TUB: variants seen among roughly 807,000 people sequenced by gnomAD.
The protein encoded by TUB is TUB bipartite transcription factor, also known as tubby protein homolog.
A neutral mutation model predicts 59.7 loss-of-function variants in TUB; 33 were observed. The ratio of observed to expected loss-of-function variants is 0.55; its 90% confidence interval spans 0.42 to 0.74. The LOEUF is 0.74. Ranked by LOEUF, TUB falls within the 30% of genes least tolerant of loss-of-function variation. The pLI, the probability that TUB is intolerant of heterozygous loss-of-function variation, is 0.00. For synonymous variants in TUB, 293 were observed against 256.4 expected (o/e 1.14, Z -1.36); for missense variants, 659 against 672.0 (o/e 0.98, Z 0.21).
chr11:8,043,503 C>A (rs1942784756), intron 2 of TUB, among the ~76,000 whole-genome samples: 1 of 152,170 alleles, frequency 6.6e-6, no homozygotes, highest in South Asian at 2.1e-4. Context: ...ATCTGTAGAT[C>A]AGTTTGGAGA....
chr11:8,038,272 T>C (rs1942680621), upstream of TUB, among the ~76,000 whole-genome samples: 1 of 152,094 alleles, frequency 6.6e-6, no homozygotes, highest in African/African-American at 2.4e-5. Context: ...ATGTTCTCAA[T>C]GTAAGAGTTG....
chr11:8,051,917 C>A (rs1190186906), intron 2 of TUB, among the ~76,000 whole-genome samples: 1 of 152,180 alleles, frequency 6.6e-6, no homozygotes, highest in Non-Finnish European at 1.5e-5. Flanking sequence ...GATCTCTAAG[C>A]CACTTACTAA....
rs1944559711 is a variant in TUB at position 8,105,785 on chromosome 11, C to G, written c.*4166C>G. 6.6e-6 allele frequency: 1 copy of G among 152,268 alleles called. No homozygotes were observed. The highest frequency in any genetic ancestry group is 2.1e-4 in the South Asian group (1 of 4,822). The allele number at this position is 152,268 out of a possible 1,614,324, so 9.4% of individuals were successfully genotyped here. A position where few individuals can be genotyped will look rare whatever the true frequency, so the allele number is the denominator to read the frequency against. On this transcript the variant is annotated 3_prime_UTR_variant, in exon 12 of 12. Transcript: ENST00000299506. ...CATCACATCCCTCTCCTCTCCTCCTCTGTGCTCCTGTCCCTCCCTCCCCCT... is the reference window on the plus strand; with the variant it reads ...CATCACATCCCTCTCCTCTCCTCCTGTGTGCTCCTGTCCCTCCCTCCCCCT...
chr11:8,084,049 G>A (rs1000206986), intron 1 of TUB, among the ~76,000 whole-genome samples: 1 of 152,198 alleles, frequency 6.6e-6, no homozygotes, highest in Non-Finnish European at 1.5e-5. Flanking sequence ...GGGAGTGGGG[G>A]CAGGGGGTGG....
chr11:8,024,081 A>G (rs951485988), intron 1 of TUB, among the ~76,000 whole-genome samples: 1 of 151,826 alleles, frequency 6.6e-6, no homozygotes, highest in East Asian at 1.9e-4. Flanking sequence ...CTTATACATT[A>G]CTCCTGCCAT....
At chr11:8,040,103 C>G (rs1942722604) in intron 2 of TUB, among the ~76,000 whole-genome samples, 1 of 152,186 alleles carries the variant, frequency 6.6e-6, no homozygotes, top group Non-Finnish European at 1.5e-5. Context: ...AGCCTCCAGC[C>G]CCCCTGCCCT....
intron 2 of TUB, among the ~76,000 whole-genome samples, chr11:8,055,216 T>G (rs1943000172): frequency 6.6e-6 from 1 of 151,922 alleles, no homozygotes; most frequent in African/African-American, 2.4e-5. Context: ...GAGTGGCCTG[T>G]GTGTGTGCGT....
intron 2 of TUB, among the ~76,000 whole-genome samples, chr11:8,045,896 G>C (rs146123105): frequency 1.3e-5 from 2 of 151,886 alleles, no homozygotes; most frequent in African/African-American, 4.8e-5. Flanking sequence ...CTTTCTGCTC[G>C]GACTGGTGGG....
intron 2 of TUB, among the ~76,000 whole-genome samples, chr11:8,044,695 G>A (rs1031783573): frequency 1.3e-4 from 20 of 152,140 alleles, no homozygotes; most frequent in African/African-American, 3.6e-4. Flanking sequence ...GCTCAGTCCC[G>A]CAAGACTTCC....
chr11:8,074,418 G>C (rs4758283), intron 2 of TUB, among the ~76,000 whole-genome samples: 101,414 of 151,968 alleles, frequency 0.67, 34,040 homozygotes, highest in African/African-American at 0.7. Context: ...TATTCCATCT[G>C]ATAAATCCAT....
At chr11:8,019,626 C>A (rs978948797) in intron 1 of TUB, among the ~76,000 whole-genome samples, 1 of 152,224 alleles carries the variant, frequency 6.6e-6, no homozygotes, top group Admixed American at 6.5e-5. Flanking sequence ...CCTCTGCCCC[C>A]ACCCCAGCTG....
At position 8,097,951 on chromosome 11, in the gene TUB, C is replaced by T. The variant is rs538645097; in HGVS notation, c.998+125C>T. The T allele has an allele frequency of 6.6e-5, 47 of 715,978 alleles. No homozygotes were observed. In the East Asian group the frequency reaches 1.2e-3, roughly 18 times the overall value. 44.4% of individuals were successfully genotyped at this position (715,978 alleles called of 1,614,324 possible). ...GGGATGGATACTCTCCCAGGATCCT[C>T]TCTGATAATCACATCCAACTGGAGG... On this transcript the variant is annotated intron_variant, in intron 8 of 11. Coordinates refer to ENST00000299506, the MANE Select transcript of TUB (RefSeq NM_177972.3).
chr11:8,060,767 G>A (rs1404327864), intron 2 of TUB, among the ~76,000 whole-genome samples: 2 of 152,206 alleles, frequency 1.3e-5, no homozygotes, highest in Non-Finnish European at 2.9e-5. Flanking sequence ...TGGGCCAGAG[G>A]ATCCCTTATA....
At chr11:8,054,010 G>A (rs746801695) in intron 2 of TUB, among the ~76,000 whole-genome samples, 1 of 151,794 alleles carries the variant, frequency 6.6e-6, no homozygotes, top group Admixed American at 6.6e-5. Flanking sequence ...AGCTACTCGG[G>A]AGGCTGAGGC....
At chr11:8,034,516 C>T (rs1299005429), upstream of TUB, among the ~76,000 whole-genome samples, 1 of 152,198 alleles carries the variant, frequency 6.6e-6, no homozygotes, top group African/African-American at 2.4e-5. Context: ...TGCGATTTCC[C>T]TGCCTAAAAC....
intron 1 of TUB, among the ~76,000 whole-genome samples, chr11:8,033,289 A>C (rs994423604): frequency 8.5e-5 from 13 of 152,066 alleles, no homozygotes; most frequent in South Asian, 2.1e-4. Flanking sequence ...GGACTCCGGG[A>C]GACTCCGGGA....
At chr11:8,096,869 CTGCATGTGAAGAGATGG>C in intron 6 of TUB, 63 bp downstream of exon 6, 1 of 1,579,586 alleles carries the variant, frequency 6.3e-7, no homozygotes, top group East Asian at 2.2e-5. Flanking sequence ...TAGAGGTGGA[CTGCATGTGAAGAGATGG>C]ACTCGTATGC....
chr11:8,090,307 C>A, intron 3 of TUB, 76 bp downstream of exon 3: 2 of 1,547,056 alleles, frequency 1.3e-6, no homozygotes, highest in Non-Finnish European at 1.8e-6. Flanking sequence ...TAGGCAGGTG[C>A]GGACTGGTCC....
chr11:8,030,329 C>T (rs939574757), intron 1 of TUB, among the ~76,000 whole-genome samples: 2 of 152,200 alleles, frequency 1.3e-5, no homozygotes, highest in African/African-American at 4.8e-5. Context: ...TCATGGGTAT[C>T]TGTTGATACT....
Sources: gnomAD v4.1 joint callset for allele counts (sites outside exome capture counted in the v4.1 genomes callset) on GRCh38, gnomAD v4.1.1 for gene constraint, MANE v1.5 for transcripts, NCBI Gene and HGNC (gene_info 2026-07-23, HGNC 2026-07-21) for gene names.